The following MYO10 variants were observed in gnomAD, a reference collection of about 807,000 sequenced individuals.
MYO10 encodes unconventional myosin-X.
A neutral mutation model predicts 257.3 loss-of-function variants in MYO10; 133 were observed. The observed-to-expected ratio is 0.52, with a 90% CI of 0.45 to 0.60. MYO10 has a LOEUF of 0.60. Ranked by LOEUF, MYO10 falls within the 20% of genes least tolerant of loss-of-function variation. The pLI, the probability that MYO10 is intolerant of heterozygous loss-of-function variation, is 0.00. For synonymous variants in MYO10, 1,104 were observed against 1,028.6 expected (o/e 1.07, Z -1.40); for missense variants, 2,399 against 2,635.7 (o/e 0.91, Z 1.97).
chr5:16,761,989 G>T, intron 16 of MYO10, 56 bp downstream of exon 16: 1 of 1,465,964 alleles, frequency 6.8e-7, no homozygotes, highest in South Asian at 1.4e-5. Context: ...TGAAACCACT[G>T]TTTTCTCTGA....
intron 19 of MYO10, among the ~76,000 whole-genome samples, chr5:16,747,054 G>A (rs1039016996): frequency 1.4e-4 from 21 of 152,168 alleles, no homozygotes; most frequent in African/African-American, 5.1e-4. Context: ...GGGGATATTT[G>A]TATATGAAGC....
chr5:16,831,193 G>A (rs997137042), intron 2 of MYO10, among the ~76,000 whole-genome samples: 3 of 152,046 alleles, frequency 2.0e-5, no homozygotes, highest in Non-Finnish European at 4.4e-5. Context: ...CTGCAGGAAC[G>A]GCCACAGTCA....
intron 19 of MYO10, among the ~76,000 whole-genome samples, chr5:16,729,921 C>T (rs752167642): frequency 4.6e-5 from 7 of 152,018 alleles, no homozygotes; most frequent in Non-Finnish European, 1.0e-4. Flanking sequence ...GAAGATGTCA[C>T]GCAAAACTAC....
At chr5:16,673,996 C>G in intron 35 of MYO10, 107 bp from the exon 36 acceptor site, 3 of 933,154 alleles carry the variant, frequency 3.2e-6, no homozygotes, top group East Asian at 2.4e-5. Flanking sequence ...AATGGTCCCC[C>G]ACTGGTGAAT....
chr5:16,688,422 G>C (rs1009490181), intron 28 of MYO10, among the ~76,000 whole-genome samples: 6 of 152,106 alleles, frequency 3.9e-5, no homozygotes, highest in Admixed American at 3.3e-4. Context: ...GAAGAATTCG[G>C]CTATTGGATG....
intron 1 of MYO10, among the ~76,000 whole-genome samples, chr5:16,894,002 T>A (rs912137357): frequency 6.6e-6 from 1 of 152,196 alleles, no homozygotes; most frequent in Non-Finnish European, 1.5e-5. Context: ...AGTTGTTAAG[T>A]AAACTTTTCA....
intron 1 of MYO10, among the ~76,000 whole-genome samples, chr5:16,898,197 T>G (rs1745266883): frequency 1.3e-5 from 2 of 152,214 alleles, no homozygotes; most frequent in South Asian, 4.1e-4. Flanking sequence ...CAACCAGAGT[T>G]GCTGGGCAGA....
intron 28 of MYO10, 140 bp downstream of exon 28, chr5:16,689,684 T>A: frequency 1.5e-6 from 1 of 650,396 alleles, no homozygotes; most frequent in South Asian, 2.0e-5. Flanking sequence ...TGCATCAATC[T>A]CGTATGACTC....
chr5:16,801,508 G>A (rs986045779), intron 3 of MYO10, among the ~76,000 whole-genome samples: 1 of 152,070 alleles, frequency 6.6e-6, no homozygotes, highest in Non-Finnish European at 1.5e-5. Context: ...CACCATGCCT[G>A]GCTAAGATCA....
chr5:16,750,920 G>A (rs191775330), intron 19 of MYO10, among the ~76,000 whole-genome samples: 55 of 152,212 alleles, frequency 3.6e-4, no homozygotes, highest in East Asian at 3.1e-3. Context: ...GCTTGAACTC[G>A]GGAGACGGAG....
chr5:16,877,497 A>G, intron 2 of MYO10, 112 bp downstream of exon 2: 1 of 746,938 alleles, frequency 1.3e-6, no homozygotes, highest in Non-Finnish European at 2.2e-6. Context: ...ATCACTTAGG[A>G]AAAAAATGTA....
chr5:16,733,755 AC>A (rs933678401), intron 19 of MYO10, among the ~76,000 whole-genome samples: 2 of 152,192 alleles, frequency 1.3e-5, no homozygotes, highest in African/African-American at 4.8e-5. Context: ...TTGCTAGGAA[AC>A]GGGAGGTCAG....
intron 2 of MYO10, among the ~76,000 whole-genome samples, chr5:16,844,516 A>G (rs539494868): frequency 3.9e-5 from 6 of 152,240 alleles, no homozygotes; most frequent in Admixed American, 6.5e-5. Flanking sequence ...AACTTACTCA[A>G]TTTAACTCTT....
At chr5:16,838,158 G>A (rs777055819) in intron 2 of MYO10, among the ~76,000 whole-genome samples, 6 of 152,152 alleles carry the variant, frequency 3.9e-5, no homozygotes, top group Admixed American at 3.9e-4. Flanking sequence ...AAAGAGTCAC[G>A]CATCTCTCAC....
intron 2 of MYO10, among the ~76,000 whole-genome samples, chr5:16,848,925 C>A (rs1022450964): frequency 6.6e-6 from 1 of 152,090 alleles, no homozygotes; most frequent in Non-Finnish European, 1.5e-5. Context: ...TAACGGCAAC[C>A]AGGAAAACAC....
intron 1 of MYO10, among the ~76,000 whole-genome samples, chr5:16,924,221 G>C (rs112111213): frequency 6.7e-6 from 1 of 149,886 alleles, no homozygotes; most frequent in Admixed American, 6.7e-5. Context: ...GCTGGGGGGT[G>C]AGATGAATGG....
At chr5:16,674,788 G>T in intron 35 of MYO10, 65 bp downstream of exon 35, 1 of 1,560,200 alleles carries the variant, frequency 6.4e-7, no homozygotes, top group Non-Finnish European at 8.8e-7. Flanking sequence ...ATCTGAACGA[G>T]GACCCAGTGC....
chr5:16,900,171 T>C (rs1561048249), intron 1 of MYO10, among the ~76,000 whole-genome samples: 2 of 152,166 alleles, frequency 1.3e-5, no homozygotes, highest in Non-Finnish European at 2.9e-5. Context: ...GAACACTGAA[T>C]TGCACAGGTC....
At chr5:16,707,170 A>T (rs1016639042) in intron 21 of MYO10, among the ~76,000 whole-genome samples, 5 of 152,160 alleles carry the variant, frequency 3.3e-5, no homozygotes, top group African/African-American at 1.2e-4. Context: ...ATCTTCTGCC[A>T]TGATCATGAG....
Sources: allele counts gnomAD v4.1 joint callset (sites outside exome capture counted in the v4.1 genomes callset), GRCh38; gene constraint gnomAD v4.1.1; transcripts MANE v1.5; gene names NCBI Gene and HGNC (gene_info 2026-07-23, HGNC 2026-07-21).